AVEN: variants seen among roughly 807,000 people sequenced by gnomAD.
The protein encoded by AVEN is cell death regulator Aven.
Under a neutral mutation model 38.1 loss-of-function variants are expected in AVEN, and 41 were observed. The observed-to-expected ratio is 1.08, with a 90% CI of 0.84 to 1.40. The LOEUF (loss-of-function observed/expected upper bound fraction) is 1.40. Among genes scored for constraint, AVEN ranks in the 40% most tolerant of loss-of-function variants. AVEN has a pLI of 0.00. For missense variants in AVEN, 605 were observed against 438.8 expected, an observed-to-expected ratio of 1.38 and a Z score of -3.38; for synonymous variants, 206 against 171.8, an observed-to-expected ratio of 1.20 and a Z score of -1.56.
intron 2 of AVEN, among the ~76,000 whole-genome samples, chr15:33,899,069 G>C (rs1892366968): frequency 1.3e-5 from 2 of 152,114 alleles, no homozygotes; most frequent in Admixed American, 6.5e-5. Flanking sequence ...TACTGGAAAG[G>C]TAGGTGGGGA....
chr15:34,058,834 A>G (rs1172655315), intron 5 of AVEN, among the ~76,000 whole-genome samples: 4 of 152,136 alleles, frequency 2.6e-5, no homozygotes, highest in Admixed American at 6.6e-5. Context: ...TTTTGACACA[A>G]TATAATATAC....
intron 2 of AVEN, among the ~76,000 whole-genome samples, chr15:33,963,125 T>G: frequency 6.6e-6 from 1 of 152,098 alleles, no homozygotes. Flanking sequence ...GACTAAATTA[T>G]CTCTACAGTC....
chr15:33,996,362 C>T (rs1047118027), intron 2 of AVEN, among the ~76,000 whole-genome samples: 4 of 151,964 alleles, frequency 2.6e-5, no homozygotes, highest in African/African-American at 2.4e-5. Flanking sequence ...TTCTGAGAAC[C>T]GACAGACTGC....
chr15:34,071,331 G>C (rs1456734614), intron 1 of AVEN, among the ~76,000 whole-genome samples: 2 of 152,112 alleles, frequency 1.3e-5, no homozygotes, highest in African/African-American at 4.8e-5. Flanking sequence ...CTGTCACCTA[G>C]AGTGGAGTGC....
At chr15:33,888,782 C>T (rs1203600869) in intron 2 of AVEN, among the ~76,000 whole-genome samples, 1 of 152,036 alleles carries the variant, frequency 6.6e-6, no homozygotes, top group Non-Finnish European at 1.5e-5. Flanking sequence ...GATGGAGTCT[C>T]ACTCTGTCAC....
downstream of AVEN, among the ~76,000 whole-genome samples, chr15:33,856,989 G>C (rs1418496472): frequency 6.6e-6 from 1 of 152,078 alleles, no homozygotes; most frequent in Non-Finnish European, 1.5e-5. Context: ...CATTAGAGTA[G>C]AAGCTACATT....
intron 2 of AVEN, among the ~76,000 whole-genome samples, chr15:33,994,286 AGGTTGCAC>A: frequency 6.6e-6 from 1 of 152,348 alleles, no homozygotes; most frequent in South Asian, 2.1e-4. Flanking sequence ...CAAGGGATCC[AGGTTGCAC>A]GCTCCTTATG....
chr15:34,008,436 AAAG>A (rs1567463444), intron 1 of AVEN, among the ~76,000 whole-genome samples: 1 of 151,464 alleles, frequency 6.6e-6, no homozygotes, highest in Non-Finnish European at 1.5e-5. Context: ...AGAAAAAAAA[AAAG>A]AAGAAAAATA....
rs190668364 is a variant in AVEN at position 33,960,238 on chromosome 15, A to T, written c.445+42794T>A. Among the ~76,000 whole-genome samples the T allele has an allele frequency of 6.6e-5, 10 of 152,326 alleles. No individual in the cohort carries two copies. In the East Asian group the frequency reaches 1.9e-3, roughly 29 times the overall value. The stretch of plus-strand genomic sequence containing the variant: ...TTTAAGCATGAGGCAAAATCAAATT[A>T]ATAAATAGAATTTTAAATGTCACGT... On this transcript the variant is annotated intron_variant, in intron 2 of 5. Coordinates refer to ENST00000306730, the MANE Select transcript of AVEN (RefSeq NM_020371.3).
intron 1 of AVEN, among the ~76,000 whole-genome samples, chr15:34,070,777 G>A (rs1900611084): frequency 6.6e-6 from 1 of 152,220 alleles, no homozygotes; most frequent in East Asian, 1.9e-4. Context: ...GACTGACACT[G>A]TTAAATATTC....
At chr15:33,931,703 A>G (rs1893860615) in intron 2 of AVEN, among the ~76,000 whole-genome samples, 1 of 152,154 alleles carries the variant, frequency 6.6e-6, no homozygotes, top group Non-Finnish European at 1.5e-5. Flanking sequence ...AAGTGTTACA[A>G]CAAAATCAAG....
chr15:33,853,349 C>A, the AVEN span, among the ~76,000 whole-genome samples: 1 of 152,190 alleles, frequency 6.6e-6, no homozygotes, highest in Non-Finnish European at 1.5e-5. Context: ...ATCAAGATAT[C>A]AGTATCAGCT....
chr15:34,003,093 G>C lies in AVEN; in HGVS notation c.384C>G (p.Val128=). 1.2e-6 allele frequency: 2 copies of C among 1,613,852 alleles called. No homozygotes were observed. Among genetic ancestry groups the C allele is most frequent in the Non-Finnish European group, 1.7e-6 (2 of 1,179,908 alleles). ...WDRYQDIEKE[V]NNESGESQRG... Reference sequence around the variant, plus strand: ...TCTGTGACTCTCCACTTTCATTATTGACCTCTTTTTCAATATCTTGATATC... The same window carrying C: ...TCTGTGACTCTCCACTTTCATTATTCACCTCTTTTTCAATATCTTGATATC... The change falls in exon 2 of 6, where the codon GTC becomes GTG. Residue 128 remains valine, a synonymous_variant. Coordinates refer to ENST00000306730, the MANE Select transcript of AVEN (RefSeq NM_020371.3).
chr15:33,864,059 A>G (rs937645021), downstream of AVEN: 1 of 1,069,174 alleles, frequency 9.4e-7, no homozygotes, highest in African/African-American at 1.6e-5. Flanking sequence ...AGCCTTTCTG[A>G]GCCCTGATCA....
At chr15:33,988,541 G>T (rs571017595) in intron 2 of AVEN, among the ~76,000 whole-genome samples, 2 of 152,296 alleles carry the variant, frequency 1.3e-5, no homozygotes, top group Non-Finnish European at 2.9e-5. Flanking sequence ...TTCAGGAAAT[G>T]ACAGCACTGA....
Position 33,955,733 on chromosome 15 carries a change from T to C in AVEN, c.445+47299A>G, listed in dbSNP as rs150581168. Among the ~76,000 whole-genome samples, 1,238 of 152,298 alleles carry C rather than the reference T, an allele frequency of 8.1e-3. 10 individuals are homozygous for C. The highest frequency in any genetic ancestry group is 0.014 in the Non-Finnish European group (951 of 68,022). The stretch of plus-strand genomic sequence containing the variant: ...CTTTTCCAAAATTAAACACTAATAG[T>C]TAATCTCTCTCCGAATCAGTTACTT... On this transcript the variant is annotated intron_variant, in intron 2 of 5. Coordinates refer to ENST00000306730, the MANE Select transcript of AVEN (RefSeq NM_020371.3).
chr15:33,859,604 G>C, intron 11 of AVEN: 3 of 1,614,044 alleles, frequency 1.9e-6, no homozygotes, highest in South Asian at 2.2e-5. Context: ...ACGTGGGAGT[G>C]AGAGCAGGAG....
intron 2 of AVEN, among the ~76,000 whole-genome samples, chr15:33,974,117 G>A (rs1895766574): frequency 6.6e-6 from 1 of 152,106 alleles, no homozygotes; most frequent in Non-Finnish European, 1.5e-5. Flanking sequence ...TTTGACATAT[G>A]GAAATCACGT....
intron 2 of AVEN, among the ~76,000 whole-genome samples, chr15:33,916,916 T>C (rs1252697744): frequency 6.6e-6 from 1 of 152,074 alleles, no homozygotes; most frequent in South Asian, 2.1e-4. Flanking sequence ...CACACCCTTC[T>C]TCACATCGCA....
Sources: gnomAD v4.1 joint callset for allele counts (sites outside exome capture counted in the v4.1 genomes callset) on GRCh38, gnomAD v4.1.1 for gene constraint, MANE v1.5 for transcripts, NCBI Gene and HGNC (gene_info 2026-07-23, HGNC 2026-07-21) for gene names.